The following SLC5A1 variants were observed in gnomAD, a reference collection of about 807,000 sequenced individuals.
The protein encoded by SLC5A1 is sodium/glucose cotransporter 1.
A neutral mutation model predicts 73.5 loss-of-function variants in SLC5A1; 42 were observed. The ratio of observed to expected loss-of-function variants is 0.57; its 90% CI spans 0.45 to 0.74. The LOEUF (loss-of-function observed/expected upper bound fraction) is 0.74, where lower values mean the gene tolerates loss of function less well. Among genes scored for constraint, SLC5A1 ranks in the 30% least tolerant of loss-of-function variants. The pLI is 0.00. For synonymous variants in SLC5A1, 300 were observed against 317.4 expected (o/e 0.95, Z 0.58); for missense variants, 634 against 855.4 (o/e 0.74, Z 3.23).
intron 13 of SLC5A1, among the ~76,000 whole-genome samples, 199 bp from the exon 14 acceptor site, chr22:32,104,587 T>C (rs959566055): frequency 1.3e-5 from 2 of 152,252 alleles, no homozygotes; most frequent in African/African-American, 4.8e-5. Flanking sequence ...GGCTAGTATA[T>C]ACATGTATAT....
intron 11 of SLC5A1, among the ~76,000 whole-genome samples, chr22:32,097,122 T>C (rs1164301081): frequency 6.6e-6 from 1 of 152,244 alleles, no homozygotes; most frequent in East Asian, 1.9e-4. Context: ...TGAGACTATG[T>C]TGGGGCTCAC....
chr22:32,066,325 C>A (rs1434102794), intron 2 of SLC5A1, among the ~76,000 whole-genome samples: 1 of 152,158 alleles, frequency 6.6e-6, no homozygotes, highest in East Asian at 1.9e-4. Context: ...ACTGTATGAT[C>A]TAGAGAATCA....
chr22:32,066,334 CATT>C (rs1329666304), intron 2 of SLC5A1, among the ~76,000 whole-genome samples: 1 of 152,140 alleles, frequency 6.6e-6, no homozygotes, highest in Non-Finnish European at 1.5e-5. Context: ...TCTAGAGAAT[CATT>C]ATTATTATTA....
intron 10 of SLC5A1, among the ~76,000 whole-genome samples, chr22:32,091,342 C>CAT: frequency 6.8e-6 from 1 of 147,146 alleles, no homozygotes. Flanking sequence ...CACACACACA[C>CAT]CCCACCACCT....
intron 8 of SLC5A1, 28 bp downstream of exon 8, chr22:32,084,687 CAG>C (rs2094005238): frequency 6.3e-7 from 1 of 1,594,464 alleles, no homozygotes; most frequent in East Asian, 2.2e-5. Flanking sequence ...GCGGGATGGA[CAG>C]AGTCTTCTCC....
At chr22:32,095,039 G>C (rs1248390629) in intron 11 of SLC5A1, among the ~76,000 whole-genome samples, 1 of 152,040 alleles carries the variant, frequency 6.6e-6, no homozygotes, top group African/African-American at 2.4e-5. Context: ...GATAGGTTGT[G>C]TCACTATTAT....
At chr22:32,096,600 T>C (rs2094026661) in intron 11 of SLC5A1, among the ~76,000 whole-genome samples, 2 of 152,236 alleles carry the variant, frequency 1.3e-5, no homozygotes, top group African/African-American at 2.4e-5. Context: ...ACATTTCTTG[T>C]TGTCAAATGG....
intron 3 of SLC5A1, 53 bp from the exon 4 acceptor site, chr22:32,067,914 G>A: frequency 4.4e-6 from 7 of 1,588,600 alleles, no homozygotes; most frequent in Non-Finnish European, 6.1e-6. Context: ...TCAGGTGGCA[G>A]GGATGGGCTA....
At chr22:32,064,499 A>G (rs528354010) in intron 2 of SLC5A1, among the ~76,000 whole-genome samples, 28 of 129,418 alleles carry the variant, frequency 2.2e-4, no homozygotes, top group East Asian at 2.0e-3. Flanking sequence ...CTGTCTTAGG[A>G]AAAAAAAAAA....
chr22:32,044,660 A>G (rs1291259501), intron 1 of SLC5A1, among the ~76,000 whole-genome samples: 1 of 152,166 alleles, frequency 6.6e-6, no homozygotes, highest in Non-Finnish European at 1.5e-5. Flanking sequence ...AGGAGCCAGG[A>G]TACTCAAGTT....
At chr22:32,064,352 C>T (rs116228076) in intron 2 of SLC5A1, among the ~76,000 whole-genome samples, 1,579 of 151,966 alleles carry the variant, frequency 0.01, 25 homozygotes, top group African/African-American at 0.036. Flanking sequence ...AAAAACTAGT[C>T]GGCTGTGGTG....
chr22:32,075,692 A>C (rs2093989788), intron 5 of SLC5A1, among the ~76,000 whole-genome samples: 1 of 152,056 alleles, frequency 6.6e-6, no homozygotes, highest in Non-Finnish European at 1.5e-5. Context: ...ATTTGAGAGG[A>C]CTATGGGGAG....
At position 32,104,811 on chromosome 22, in the gene SLC5A1, G is replaced by C. The variant is rs1449988154; in HGVS notation, c.1691G>C (p.Arg564Pro). 2 of 1,613,914 alleles carry C rather than the reference G, an allele frequency of 1.2e-6. No homozygotes were observed. Among genetic ancestry groups the C allele is most frequent in the Non-Finnish European group, 1.7e-6 (2 of 1,180,000 alleles). ...VHLYRLCWSL[R>P]NSKEERIDLD... ...CTCTACCGTCTGTGTTGGAGCCTGC[G>C]CAACAGCAAAGAGGAGCGTATTGAC... The change falls in exon 14 of 15, where the codon CGC becomes CCC. Residue 564 changes from arginine to proline, a missense_variant. Physicochemically the swap from Arg to Pro is moderately radical, Grantham distance 103 (BLOSUM62 -2). Transcript: ENST00000266088.
intron 1 of SLC5A1, among the ~76,000 whole-genome samples, chr22:32,044,262 C>G (rs1162761965): frequency 6.6e-6 from 1 of 152,096 alleles, no homozygotes; most frequent in Non-Finnish European, 1.5e-5. Flanking sequence ...TGCTTGAGTC[C>G]AGGAGTTCGA....
rs2093932999 is a variant in SLC5A1 at position 32,043,473 on chromosome 22, G to A, written c.135+57G>A. ...AGGGTGCGCACAGAGGAGGAGCAATGGCCTCGCTGAGCTGCAAGGGGCAGT... is the reference window on the plus strand; with the variant it reads ...AGGGTGCGCACAGAGGAGGAGCAATAGCCTCGCTGAGCTGCAAGGGGCAGT... On this transcript the variant is annotated intron_variant, in intron 1 of 14. Transcript: ENST00000266088. The surrounding 1 kb of genome is among the most constrained non-coding windows in gnomAD (Gnocchi z 6.5). 2 of 1,588,916 alleles carry A rather than the reference G, an allele frequency of 1.3e-6. No homozygotes were observed. Among genetic ancestry groups the A allele is most frequent in the Non-Finnish European group, 1.7e-6 (2 of 1,161,206 alleles).
At chr22:32,060,060 CACACACATATATATAT>C (rs965059763) in intron 2 of SLC5A1, among the ~76,000 whole-genome samples, 8 of 132,128 alleles carry the variant, frequency 6.1e-5, no homozygotes, top group African/African-American at 2.2e-4. Flanking sequence ...CACATATATA[CACACACATATATATAT>C]ACACACATGT....
chr22:32,067,204 C>T (rs1460882776), intron 3 of SLC5A1, among the ~76,000 whole-genome samples, 165 bp downstream of exon 3: 2 of 152,174 alleles, frequency 1.3e-5, no homozygotes, highest in African/African-American at 2.4e-5. Context: ...GGGCCCTGCT[C>T]CCTTTCCACC....
At chr22:32,098,841 C>CT (rs1186459531) in intron 11 of SLC5A1, among the ~76,000 whole-genome samples, 2 of 151,910 alleles carry the variant, frequency 1.3e-5, no homozygotes, top group Non-Finnish European at 2.9e-5. Flanking sequence ...AATCCCAGCA[C>CT]TTTGGGAGGC....
chr22:32,083,193 A>T, intron 7 of SLC5A1, 39 bp downstream of exon 7: 1 of 1,553,486 alleles, frequency 6.4e-7, no homozygotes, highest in Non-Finnish European at 8.9e-7. Context: ...GTGGGAGCAG[A>T]GGTAGAGGGC....
Sources: allele counts gnomAD v4.1 joint callset (sites outside exome capture counted in the v4.1 genomes callset), GRCh38; gene constraint gnomAD v4.1.1; non-coding constraint Gnocchi (gnomAD v3.1); transcripts MANE v1.5; gene names NCBI Gene and HGNC (gene_info 2026-07-23, HGNC 2026-07-21).